The following TTC39C variants were observed in gnomAD, a reference collection of about 807,000 sequenced individuals.
The protein encoded by TTC39C is tetratricopeptide repeat domain 39C.
Under a neutral mutation model 76.3 loss-of-function variants are expected in TTC39C, and 33 were observed. The observed-to-expected ratio is 0.43, with a 90% CI of 0.33 to 0.58. The LOEUF (loss-of-function observed/expected upper bound fraction) is 0.58, where lower values mean the gene tolerates loss of function less well. TTC39C is among the 20% of genes least tolerant of loss of function. The pLI, the probability that TTC39C is intolerant of heterozygous loss-of-function variation, is 0.04. For missense variants in TTC39C, 595 were observed against 701.4 expected, an observed-to-expected ratio of 0.85 and a Z score of 1.71; for synonymous variants, 254 against 260.6, an observed-to-expected ratio of 0.97 and a Z score of 0.24.
At chr18:24,072,717 G>A (rs1025330187) in intron 4 of TTC39C, among the ~76,000 whole-genome samples, 1 of 152,128 alleles carries the variant, frequency 6.6e-6, no homozygotes, top group Non-Finnish European at 1.5e-5. Flanking sequence ...TATTATCCAA[G>A]TGTCTTTTAT....
chr18:24,087,771 G>C (rs187353418), intron 6 of TTC39C, among the ~76,000 whole-genome samples: 2 of 152,150 alleles, frequency 1.3e-5, no homozygotes, highest in East Asian at 3.9e-4. Context: ...TATTAGTAGA[G>C]ATGGGGTTTC....
chr18:24,004,295 A>G (rs879854173), intron 1 of TTC39C, among the ~76,000 whole-genome samples: 3 of 152,186 alleles, frequency 2.0e-5, no homozygotes, highest in Non-Finnish European at 4.4e-5. Context: ...GGGTATAGAC[A>G]GCAGCATTCT....
At chr18:24,015,789 T>A (rs1484692335) in intron 1 of TTC39C, among the ~76,000 whole-genome samples, 1 of 152,222 alleles carries the variant, frequency 6.6e-6, no homozygotes, top group Admixed American at 6.5e-5. Context: ...AATTTTTTAT[T>A]TGTCTTTTAA....
At chr18:24,112,613 C>A (rs1232349802) in intron 6 of TTC39C, among the ~76,000 whole-genome samples, 1 of 152,072 alleles carries the variant, frequency 6.6e-6, no homozygotes, top group Non-Finnish European at 1.5e-5. Context: ...TAGCGGTTGC[C>A]CAGTAAATGT....
At chr18:24,087,489 A>T (rs4043682) in intron 6 of TTC39C, among the ~76,000 whole-genome samples, 149,028 of 152,290 alleles carry the variant, frequency 0.98, 72,979 homozygotes, top group Non-Finnish European at 1. Context: ...TACCTCTAAA[A>T]AAGTGTTCAG....
chr18:24,092,937 G>A (rs1197879019), intron 6 of TTC39C, among the ~76,000 whole-genome samples: 15 of 152,132 alleles, frequency 9.9e-5, no homozygotes, highest in Admixed American at 7.9e-4. Context: ...TTAGCTGGGC[G>A]CACAGCTGTA....
At chr18:24,052,937 T>A (rs970945826) in intron 1 of TTC39C, among the ~76,000 whole-genome samples, 1 of 152,216 alleles carries the variant, frequency 6.6e-6, no homozygotes, top group African/African-American at 2.4e-5. Context: ...TACTGTGAAG[T>A]GATTTAACTT....
intron 5 of TTC39C, among the ~76,000 whole-genome samples, chr18:24,082,052 C>T (rs1425166858): frequency 1.6e-5 from 2 of 126,314 alleles, no homozygotes; most frequent in Non-Finnish European, 3.2e-5. Context: ...GAGTCTTGCT[C>T]TGTAGCCCAG....
intron 6 of TTC39C, among the ~76,000 whole-genome samples, chr18:24,108,728 A>T (rs1273160183): frequency 6.6e-6 from 1 of 152,152 alleles, no homozygotes; most frequent in Non-Finnish European, 1.5e-5. Flanking sequence ...TTTATAGTAC[A>T]TGGTTTATTT....
chr18:24,017,410 C>T (rs1019603286), intron 1 of TTC39C, among the ~76,000 whole-genome samples: 4 of 152,156 alleles, frequency 2.6e-5, no homozygotes, highest in Non-Finnish European at 5.9e-5. Flanking sequence ...CCCACATTAT[C>T]GTGTGGTGGT....
upstream of TTC39C, among the ~76,000 whole-genome samples, chr18:24,012,406 C>T (rs1220276832): frequency 6.6e-6 from 1 of 152,250 alleles, no homozygotes; most frequent in Middle Eastern, 3.4e-3. Context: ...GTCTGCACAA[C>T]GGACTGTGTG....
At chr18:24,004,534 C>A (rs990627173) in intron 1 of TTC39C, among the ~76,000 whole-genome samples, 16 of 152,238 alleles carry the variant, frequency 1.1e-4, no homozygotes, top group African/African-American at 3.9e-4. Context: ...TTAGTGTGGG[C>A]GTGTCTCCTT....
chr18:24,077,345 A>T (rs1022781278), intron 4 of TTC39C: 1 of 152,162 alleles, frequency 6.6e-6, no homozygotes. Flanking sequence ...TTCTTCCGAA[A>T]TCCTGCAGTA....
intron 6 of TTC39C, among the ~76,000 whole-genome samples, chr18:24,092,531 A>T (rs1206804350): frequency 6.6e-6 from 1 of 152,254 alleles, no homozygotes; most frequent in African/African-American, 2.4e-5. Flanking sequence ...CATTCATACA[A>T]TGGAATATTA....
intron 1 of TTC39C, 129 bp from the exon 2 acceptor site, chr18:24,064,011 G>T: frequency 7.7e-7 from 1 of 1,299,942 alleles, no homozygotes; most frequent in Non-Finnish European, 1.0e-6. Context: ...TAATCTGCTT[G>T]ATGACCTTAA....
chr18:23,996,276 T>A (rs996540040), intron 1 of TTC39C, among the ~76,000 whole-genome samples: 1 of 152,248 alleles, frequency 6.6e-6, no homozygotes, highest in African/African-American at 2.4e-5. Context: ...GCCAGAGAGA[T>A]GGAAGAGGGG....
At chr18:24,103,559 T>C (rs886764267) in intron 6 of TTC39C, among the ~76,000 whole-genome samples, 1 of 152,260 alleles carries the variant, frequency 6.6e-6, no homozygotes, top group Admixed American at 6.5e-5. Context: ...ATAGGGCATA[T>C]ATTTCAAGGT....
intron 4 of TTC39C, among the ~76,000 whole-genome samples, chr18:24,073,532 CTT>C (rs10711494): frequency 4.0e-5 from 6 of 149,130 alleles, no homozygotes; most frequent in Non-Finnish European, 8.9e-5. Context: ...AATCCTGGTT[CTT>C]TTTTTTTTTA....
chr18:24,134,511 G>C lies in TTC39C; in HGVS notation c.*1937G>C, dbSNP rs887263630. The C allele has an allele frequency of 6.6e-6, 1 of 151,900 alleles. No homozygotes were observed. The highest frequency in any genetic ancestry group is 1.5e-5 in the Non-Finnish European group (1 of 68,006). 9.4% of individuals were successfully genotyped at this position (151,900 alleles called of 1,614,324 possible). On this transcript the variant is annotated 3_prime_UTR_variant, in exon 14 of 14. Transcript: ENST00000317571. Reference sequence around the variant, plus strand: ...AGGATTGTCTCCATCTCCTGACCTCGTGATCCACCCGCCTTGGCCTCCCAA... The same window carrying C: ...AGGATTGTCTCCATCTCCTGACCTCCTGATCCACCCGCCTTGGCCTCCCAA...
Sources: gnomAD v4.1 joint callset for allele counts (sites outside exome capture counted in the v4.1 genomes callset) on GRCh38, gnomAD v4.1.1 for gene constraint, MANE v1.5 for transcripts, NCBI Gene and HGNC (gene_info 2026-07-23, HGNC 2026-07-21) for gene names.